CELF2: variants seen among roughly 807,000 people sequenced by gnomAD.
CELF2 encodes the protein CUGBP Elav-like family member 2, also known as CUG triplet repeat RNA-binding protein 2.
Under a neutral mutation model 62.6 loss-of-function variants are expected in CELF2, and 8 were observed. That is an observed-to-expected ratio of 0.13 (90% CI 0.07 to 0.23). The LOEUF (loss-of-function observed/expected upper bound fraction) is 0.23. Among genes scored for constraint, CELF2 ranks in the 10% least tolerant of loss-of-function variants. The pLI is 1.00. For missense variants in CELF2, 333 were observed against 671.0 expected (o/e 0.50, Z 5.56); for synonymous variants, 258 against 250.0 (o/e 1.03, Z -0.30).
chr10:10,479,324 G>A, the CELF2 span, among the ~76,000 whole-genome samples: 85,902 of 151,690 alleles, frequency 0.57, 24,444 homozygotes, highest in Admixed American at 0.65. Flanking sequence ...ATACACCACC[G>A]TGCCCGGATA....
At chr10:10,642,793 G>T in the CELF2 span, among the ~76,000 whole-genome samples, 20 of 152,238 alleles carry the variant, frequency 1.3e-4, no homozygotes, top group African/African-American at 3.9e-4. Flanking sequence ...TGGATCTGTG[G>T]ACAGCAGTGG....
At chr10:10,984,756 A>G (rs1486432897) in intron 2 of CELF2, among the ~76,000 whole-genome samples, 1 of 152,186 alleles carries the variant, frequency 6.6e-6, no homozygotes, top group Non-Finnish European at 1.5e-5. Flanking sequence ...AAGACCCACT[A>G]GCATATTTAA....
rs556095723 is a variant in CELF2 at position 11,204,823 on chromosome 10, T to G, written c.272-12602T>G. ...ATCGCAGCGTTTAGGACATCACGTC[T>G]TCTTGTGAAGCCCAGTGTTAACTGC... On this transcript the variant is annotated intron_variant, in intron 2 of 12. Coordinates refer to ENST00000633077, the MANE Select transcript of CELF2 (RefSeq NM_001326342.2). Among the ~76,000 whole-genome samples the G allele has an allele frequency of 9.8e-5, 15 of 152,348 alleles. No individual in the cohort carries two copies. The South Asian group carries it at 1.4e-3, about 15-fold the overall frequency.
chr10:11,038,595 AC>A (rs1421219722), intron 1 of CELF2, among the ~76,000 whole-genome samples: 1 of 152,230 alleles, frequency 6.6e-6, no homozygotes, highest in Non-Finnish European at 1.5e-5. Context: ...TTAATAATCA[AC>A]TACTATGCAG....
rs532201522 is a variant in CELF2, at chr10:11,127,632, C to G, written c.75-37854C>G. Among the ~76,000 whole-genome samples the G allele has an allele frequency of 3.9e-5, 6 of 152,310 alleles. No individual in the cohort carries two copies. The East Asian group carries it at 9.6e-4, about 24-fold the overall frequency. On this transcript the variant is annotated intron_variant, in intron 1 of 12. Transcript: ENST00000633077. ...CTCATTGTGGTTTTGATTTGCATTT[C>G]TCTGATGACCAGTGATGATGAGTAT...
chr10:10,929,124 G>A (rs2065824322), intron 2 of CELF2, among the ~76,000 whole-genome samples: 1 of 152,082 alleles, frequency 6.6e-6, no homozygotes, highest in Admixed American at 6.6e-5. Flanking sequence ...TTGGGCACCT[G>A]GAAAAATTCA....
chr10:10,514,728 A>G, the CELF2 span, among the ~76,000 whole-genome samples: 2 of 152,194 alleles, frequency 1.3e-5, no homozygotes, highest in Admixed American at 6.5e-5. Context: ...GAGATTTAAG[A>G]CATTTAAGGC....
the CELF2 span, among the ~76,000 whole-genome samples, chr10:10,683,715 G>A: frequency 1.3e-5 from 2 of 152,198 alleles, no homozygotes; most frequent in Non-Finnish European, 2.9e-5. Flanking sequence ...CAGTTGTAAT[G>A]TAGATCATAT....
intron 2 of CELF2, among the ~76,000 whole-genome samples, chr10:10,987,407 G>A (rs1225221656): frequency 2.6e-5 from 4 of 151,940 alleles, no homozygotes; most frequent in Non-Finnish European, 5.9e-5. Context: ...ATACTGCTTA[G>A]TTGAATGAAA....
At chr10:10,725,135 A>T in the CELF2 span, among the ~76,000 whole-genome samples, 1 of 152,196 alleles carries the variant, frequency 6.6e-6, no homozygotes, top group Admixed American at 6.5e-5. Flanking sequence ...TATCAACTCT[A>T]ATTTCCCTAA....
At chr10:10,623,816 G>T in the CELF2 span, among the ~76,000 whole-genome samples, 1 of 152,102 alleles carries the variant, frequency 6.6e-6, no homozygotes, top group African/African-American at 2.4e-5. Context: ...GCAAATCTTC[G>T]AAATAGGGTT....
rs1191387941 is a variant in CELF2, at chr10:11,211,771, AGAGT to A, written c.272-5652_272-5649del. Among the ~76,000 whole-genome samples the A allele has an allele frequency of 6.0e-5, 9 of 150,016 alleles. No individual in the cohort carries two copies. Among genetic ancestry groups the A allele is most frequent in the East Asian group, 2.0e-4 (1 of 5,072 alleles). ...ACACACTACTGTGTGTGAGTGAGTG[AGAGT>A]GTGTGTGTATGTGTGTGAGAGAGAG... On this transcript the variant is annotated intron_variant, in intron 2 of 12. Transcript: ENST00000633077. This position sits in a 1 kb window ranked among gnomAD's most constrained non-coding sequence, Gnocchi z 4.8.
chr10:10,650,894 C>A, the CELF2 span, among the ~76,000 whole-genome samples: 1 of 152,122 alleles, frequency 6.6e-6, no homozygotes, highest in Non-Finnish European at 1.5e-5. Flanking sequence ...GGAACAGCTC[C>A]GGTCTACAGC....
intron 9 of CELF2, among the ~76,000 whole-genome samples, chr10:11,295,456 A>G (rs1277466126): frequency 6.6e-6 from 1 of 152,244 alleles, no homozygotes; most frequent in African/African-American, 2.4e-5. Flanking sequence ...AATATTTTGT[A>G]TATCTTACGT....
In CELF2 at chr10:11,169,890, TGGA is replaced by T. The variant is rs576516954; in HGVS notation, c.271+4213_271+4215del. Among the ~76,000 whole-genome samples, 11 of 152,236 alleles carry T rather than the reference TGGA, an allele frequency of 7.2e-5. No individual in the cohort carries two copies. In the South Asian group the frequency reaches 2.3e-3, roughly 32 times the overall value. On this transcript the variant is annotated intron_variant, in intron 2 of 12. Transcript: ENST00000633077. ...TGAGCACAGTCAGCAGTGGTGGGAATGGAGGAGAAGAGCATTAAGTTCAGTTTT... is the reference window on the plus strand; with the variant it reads ...TGAGCACAGTCAGCAGTGGTGGGAATGGAGAAGAGCATTAAGTTCAGTTTT...
In CELF2 at chr10:11,285,357, G is replaced by A. The variant is rs915647772; in HGVS notation, c.842-3061G>A. ...GTTGAGCAGTGTTAGCTATGCCCCCGTGTGGTGCCTCAGAGACTCAGCCAC... is the reference window on the plus strand; with the variant it reads ...GTTGAGCAGTGTTAGCTATGCCCCCATGTGGTGCCTCAGAGACTCAGCCAC... On this transcript the variant is annotated intron_variant, in intron 8 of 12. Coordinates refer to ENST00000633077, the MANE Select transcript of CELF2 (RefSeq NM_001326342.2). The surrounding 1 kb of genome is among the most constrained non-coding windows in gnomAD (Gnocchi z 4.3). 3.0e-4 allele frequency among the ~76,000 whole-genome samples: 45 copies of A among 152,070 alleles called. No individual in the cohort carries two copies. The highest frequency in any genetic ancestry group is 1.1e-3 in the African/African-American group (45 of 41,350).
At chr10:10,916,005 GA>G (rs1320663707) in intron 1 of CELF2, among the ~76,000 whole-genome samples, 2 of 152,190 alleles carry the variant, frequency 1.3e-5, no homozygotes, top group Non-Finnish European at 2.9e-5. Flanking sequence ...AAAGGTCAAT[GA>G]AAAATGCATG....
chr10:10,734,550 G>T, the CELF2 span, among the ~76,000 whole-genome samples: 1 of 152,126 alleles, frequency 6.6e-6, no homozygotes, highest in Admixed American at 6.5e-5. Flanking sequence ...AACCCAGGAC[G>T]GCTGGCAAAT....
At chr10:10,481,607 A>C in the CELF2 span, among the ~76,000 whole-genome samples, 30,221 of 152,134 alleles carry the variant, frequency 0.2, 3,134 homozygotes, top group East Asian at 0.29. Flanking sequence ...AAGAACTAAA[A>C]GTCACACCAG....
Sources: gnomAD v4.1 joint callset for allele counts (sites outside exome capture counted in the v4.1 genomes callset) on GRCh38, gnomAD v4.1.1 for gene constraint, Gnocchi (gnomAD v3.1) non-coding constraint, MANE v1.5 for transcripts, NCBI Gene and HGNC (gene_info 2026-07-23, HGNC 2026-07-21) for gene names.